SP3: variants seen among roughly 807,000 people sequenced by gnomAD.
SP3 encodes transcription factor Sp3.
A neutral mutation model predicts 70.3 loss-of-function variants in SP3; 10 were observed. The observed-to-expected ratio is 0.14, with a 90% CI of 0.09 to 0.24. The LOEUF (loss-of-function observed/expected upper bound fraction) is 0.24. Among genes scored for constraint, SP3 ranks in the 10% least tolerant of loss-of-function variants. The pLI is 1.00. For synonymous variants in SP3, 402 were observed against 333.5 expected, an observed-to-expected ratio of 1.21 and a Z score of -2.24; for missense variants, 825 against 914.6, an observed-to-expected ratio of 0.90 and a Z score of 1.26.
In SP3 at chr2:173,907,401, T is replaced by A. The variant is rs1036729600; in HGVS notation, c.*2540A>T. 6.6e-6 allele frequency: 1 copy of A among 152,062 alleles called. No individual in the cohort carries two copies. The highest frequency in any genetic ancestry group is 1.5e-5 in the Non-Finnish European group (1 of 67,954). 9.4% of individuals were successfully genotyped at this position (152,062 alleles called of 1,614,324 possible). On this transcript the variant is annotated 3_prime_UTR_variant, in exon 7 of 7. Coordinates refer to ENST00000310015, the MANE Select transcript of SP3 (RefSeq NM_003111.5). ...CCAGAGTATATTCAACATTTTAAAA[T>A]ATAAAAATAGAAATATTTAAAATTA...
chr2:173,950,081 G>A (rs946861026), intron 4 of SP3, among the ~76,000 whole-genome samples: 17 of 152,134 alleles, frequency 1.1e-4, no homozygotes, highest in African/African-American at 3.6e-4. Context: ...ATTTCTCAGT[G>A]GGCCACAAAT....
Position 173,964,408 on chromosome 2 carries a change from G to GGCCGCCGCTGCCGCCGCT in SP3, c.152_153insAGCGGCGGCAGCGGCGGC (p.Ala46_Ala51dup). On this transcript the variant is annotated inframe_insertion, in exon 2 of 7. Coordinates refer to ENST00000310015, the MANE Select transcript of SP3 (RefSeq NM_003111.5). ...CCGGGGTTCAGCCGCTCCTCACCTG[G>GGCCGCCGCTGCCGCCGCT]GCCGCCGCTGCCGCCGCCACCGCAC... 1 of 720,936 alleles carries GGCCGCCGCTGCCGCCGCT rather than the reference G, an allele frequency of 1.4e-6. No individual in the cohort carries two copies. Among genetic ancestry groups the GGCCGCCGCTGCCGCCGCT allele is most frequent in the East Asian group, 2.8e-5 (1 of 35,922 alleles). The allele number at this position is 720,936 out of a possible 1,614,324, so 44.7% of individuals were successfully genotyped here. A position where few individuals can be genotyped will look rare whatever the true frequency, so the allele number is the denominator to read the frequency against.
At chr2:173,960,091 G>C (rs967358412) in intron 3 of SP3, among the ~76,000 whole-genome samples, 1 of 152,182 alleles carries the variant, frequency 6.6e-6, no homozygotes, top group African/African-American at 2.4e-5. Flanking sequence ...GATCAACTGA[G>C]CCCCAGTGGT....
At chr2:173,965,143 T>C in intron 1 of SP3, 22 bp downstream of exon 1, 2 of 1,543,080 alleles carry the variant, frequency 1.3e-6, no homozygotes, top group Non-Finnish European at 1.7e-6. Context: ...GCAGCAAGGG[T>C]TGCTCTCTCG....
intron 3 of SP3, among the ~76,000 whole-genome samples, chr2:173,960,910 A>T (rs185844698): frequency 1.1e-3 from 167 of 152,288 alleles, no homozygotes; most frequent in Middle Eastern, 3.4e-3. Context: ...CAGGAAGCAG[A>T]GCCTGCAGTG....
intron 6 of SP3, among the ~76,000 whole-genome samples, 188 bp downstream of exon 6, chr2:173,912,882 A>G (rs1194235041): frequency 6.6e-6 from 1 of 152,256 alleles, no homozygotes; most frequent in East Asian, 1.9e-4. Context: ...ATTTTAGAAG[A>G]TAAGCCAGAC....
chr2:173,960,082 A>T (rs1231544403), intron 3 of SP3, among the ~76,000 whole-genome samples: 3 of 152,208 alleles, frequency 2.0e-5, no homozygotes, highest in Non-Finnish European at 4.4e-5. Flanking sequence ...AGGTGGGAGG[A>T]TCAACTGAGC....
chr2:173,910,392 T>A, intron 6 of SP3, 135 bp from the exon 7 acceptor site: 1 of 648,362 alleles, frequency 1.5e-6, no homozygotes, highest in Non-Finnish European at 2.6e-6. Context: ...TTGTATTCAT[T>A]TTACGAGCTA....
chr2:173,934,024 G>A (rs186659168), intron 4 of SP3, among the ~76,000 whole-genome samples: 1 of 151,976 alleles, frequency 6.6e-6, no homozygotes. Context: ...TTGAGCCCAG[G>A]TGTTCAAGAC....
At chr2:173,931,642 G>A (rs1431410913) in intron 4 of SP3, among the ~76,000 whole-genome samples, 8 of 151,938 alleles carry the variant, frequency 5.3e-5, no homozygotes, top group Admixed American at 3.9e-4. Context: ...ACGCCCAGCC[G>A]GAAAATCTGT....
intron 4 of SP3, among the ~76,000 whole-genome samples, chr2:173,925,548 G>A (rs745960208): frequency 1.8e-4 from 28 of 152,166 alleles, no homozygotes; most frequent in Non-Finnish European, 2.8e-4. Context: ...AAATTGTTAA[G>A]ATGGTAAATT....
chr2:173,931,281 C>G (rs895112638), intron 4 of SP3, among the ~76,000 whole-genome samples: 1 of 152,118 alleles, frequency 6.6e-6, no homozygotes, highest in African/African-American at 2.4e-5. Flanking sequence ...GTAATTCCAG[C>G]ACTTTGGGAT....
intron 4 of SP3, among the ~76,000 whole-genome samples, chr2:173,940,904 C>G (rs111888595): frequency 6.6e-6 from 1 of 152,110 alleles, no homozygotes; most frequent in Non-Finnish European, 1.5e-5. Context: ...GAATGTCTAT[C>G]CAATGCCCTT....
At chr2:173,933,246 T>G (rs1690115187) in intron 4 of SP3, among the ~76,000 whole-genome samples, 1 of 152,116 alleles carries the variant, frequency 6.6e-6, no homozygotes, top group African/African-American at 2.4e-5. Context: ...ATGAAATGTT[T>G]TACATTCTAT....
chr2:173,945,399 G>A (rs920077193), intron 4 of SP3, among the ~76,000 whole-genome samples: 5 of 152,022 alleles, frequency 3.3e-5, no homozygotes, highest in Admixed American at 2.0e-4. Context: ...AGTCTAGTAA[G>A]AACTTATGTA....
chr2:173,949,609 G>A (rs1226608573), intron 4 of SP3, among the ~76,000 whole-genome samples: 1 of 152,074 alleles, frequency 6.6e-6, no homozygotes, highest in Non-Finnish European at 1.5e-5. Flanking sequence ...TAGAGTAGGA[G>A]CCCATAAGAG....
chr2:173,962,723 CTA>C (rs1691125938), intron 3 of SP3, among the ~76,000 whole-genome samples: 1 of 152,236 alleles, frequency 6.6e-6, no homozygotes, highest in Admixed American at 6.5e-5. Context: ...TCTTCAGTGA[CTA>C]TTGAAAGTAT....
chr2:173,944,945 T>C (rs930311409), intron 4 of SP3, among the ~76,000 whole-genome samples: 1 of 152,174 alleles, frequency 6.6e-6, no homozygotes, highest in Non-Finnish European at 1.5e-5. Flanking sequence ...GGTGAAACCC[T>C]GTCTCTACGA....
chr2:173,950,079 G>A (rs1161475791), intron 4 of SP3, among the ~76,000 whole-genome samples: 2 of 152,124 alleles, frequency 1.3e-5, no homozygotes, highest in African/African-American at 4.8e-5. Context: ...GCATTTCTCA[G>A]TGGGCCACAA....
Sources: allele counts gnomAD v4.1 joint callset (sites outside exome capture counted in the v4.1 genomes callset), GRCh38; gene constraint gnomAD v4.1.1; transcripts MANE v1.5; gene names NCBI Gene and HGNC (gene_info 2026-07-23, HGNC 2026-07-21).